Variants in ICA1L observed in about 807,000 individuals in gnomAD.
The protein encoded by ICA1L is islet cell autoantigen 1-like protein.
Under a neutral mutation model 61.3 loss-of-function variants are expected in ICA1L, and 50 were observed. The ratio of observed to expected loss-of-function variants is 0.82; its 90% CI spans 0.65 to 1.03. The LOEUF (loss-of-function observed/expected upper bound fraction) is 1.03. ICA1L is among the 50% of genes least tolerant of loss of function. The pLI, the probability that ICA1L is intolerant of heterozygous loss-of-function variation, is 0.00. For missense variants in ICA1L, 508 were observed against 556.7 expected, an observed-to-expected ratio of 0.91 and a Z score of 0.88; for synonymous variants, 161 against 191.3, an observed-to-expected ratio of 0.84 and a Z score of 1.31.
At position 202,821,489 on chromosome 2, in the gene ICA1L, A is replaced by G; in HGVS notation, c.236-8T>C. 4 of 1,594,780 alleles carry G rather than the reference A, an allele frequency of 2.5e-6. No homozygotes were observed. Among genetic ancestry groups the G allele is most frequent in the Non-Finnish European group, 3.4e-6 (4 of 1,170,314 alleles). The stretch of plus-strand genomic sequence containing the variant: ...TTTCTTCCTCTGATATAACTAGGAA[A>G]AAAATTACAGTGTAGTTAATTGTTT... On this transcript the variant is annotated splice_polypyrimidine_tract_variant and splice_region_variant and intron_variant, in intron 3 of 12. Transcript: ENST00000358299.
chr2:202,790,736 T>G (rs769534655), intron 10 of ICA1L, among the ~76,000 whole-genome samples: 2 of 152,122 alleles, frequency 1.3e-5, no homozygotes, highest in Non-Finnish European at 2.9e-5. Context: ...GGGCCCCTGA[T>G]CACTTGACCC....
intron 9 of ICA1L, among the ~76,000 whole-genome samples, chr2:202,807,279 A>G (rs1693252994): frequency 1.3e-5 from 2 of 152,244 alleles, no homozygotes; most frequent in African/African-American, 4.8e-5. Context: ...CAGTGGCCAC[A>G]TGGTGTGGAG....
chr2:202,796,038 TAA>T (rs946498142), intron 10 of ICA1L, among the ~76,000 whole-genome samples: 4 of 136,236 alleles, frequency 2.9e-5, no homozygotes, highest in Non-Finnish European at 3.2e-5. Context: ...GCGAGACTGT[TAA>T]AAAAAAAAAA....
chr2:202,841,580 G>C, intron 1 of ICA1L: 1 of 694,412 alleles, frequency 1.4e-6, no homozygotes, highest in South Asian at 1.4e-5. Context: ...TGTGACAGCA[G>C]TGATGCTTCC....
At chr2:202,858,257 A>G (rs1694817491) in intron 1 of ICA1L, among the ~76,000 whole-genome samples, 2 of 152,236 alleles carry the variant, frequency 1.3e-5, no homozygotes, top group Admixed American at 1.3e-4. Context: ...AAAGAAAATG[A>G]GGCACATATG....
At chr2:202,795,226 G>A (rs1348509094) in intron 10 of ICA1L, among the ~76,000 whole-genome samples, 1 of 151,934 alleles carries the variant, frequency 6.6e-6, no homozygotes, top group African/African-American at 2.4e-5. Context: ...CCCGACCTCA[G>A]GTGATCTGCC....
intron 1 of ICA1L, among the ~76,000 whole-genome samples, chr2:202,865,086 C>T (rs1413508765): frequency 3.3e-5 from 5 of 151,568 alleles, no homozygotes; most frequent in Non-Finnish European, 7.4e-5. Flanking sequence ...TTGCTTGAAT[C>T]CGGGAGGTGG....
rs181266426 is a variant in ICA1L at position 202,795,212 on chromosome 2, A to T, written c.985+1678T>A. ...CACCATGTTAGCCAGGCTGATCTCG[A>T]ACTCCCGACCTCAGGTGATCTGCCC... is the stretch of plus-strand genomic sequence containing the variant. On this transcript the variant is annotated intron_variant, in intron 10 of 12. Transcript: ENST00000358299. 9.2e-5 allele frequency among the ~76,000 whole-genome samples: 14 copies of T among 151,922 alleles called. No homozygotes were observed. In the East Asian group the frequency reaches 2.7e-3, roughly 30 times the overall value.
At chr2:202,811,430 G>A (rs1056203185) in intron 9 of ICA1L, among the ~76,000 whole-genome samples, 10 of 151,858 alleles carry the variant, frequency 6.6e-5, no homozygotes, top group Admixed American at 2.0e-4. Flanking sequence ...CGAGGTGGGC[G>A]GATCGGATCA....
Position 202,790,340 on chromosome 2 carries a change from C to A in ICA1L, c.986-1253G>T, listed in dbSNP as rs1219097749. Reference sequence around the variant, plus strand: ...TTCAAAATAAATAAGCATTTAAAATCTCTGGAAATGGTCCCAAGGATATGC... The same window carrying A: ...TTCAAAATAAATAAGCATTTAAAATATCTGGAAATGGTCCCAAGGATATGC... On this transcript the variant is annotated intron_variant, in intron 10 of 12. Coordinates refer to ENST00000358299, the MANE Select transcript of ICA1L (RefSeq NM_001288622.3). 2.6e-5 allele frequency among the ~76,000 whole-genome samples: 4 copies of A among 152,298 alleles called. No individual in the cohort carries two copies. The East Asian group carries it at 7.7e-4, about 29-fold the overall frequency.
intron 3 of ICA1L, 43 bp from the exon 4 acceptor site, chr2:202,821,524 A>T: frequency 6.8e-7 from 1 of 1,475,526 alleles, no homozygotes; most frequent in Non-Finnish European, 9.3e-7. Flanking sequence ...TCCTTTCATC[A>T]TTTGTTTAAA....
intron 9 of ICA1L, among the ~76,000 whole-genome samples, chr2:202,799,174 T>A (rs919491822): frequency 5.3e-5 from 8 of 152,228 alleles, no homozygotes; most frequent in Non-Finnish European, 1.2e-4. Flanking sequence ...ATTATATTTT[T>A]AATTTTATGA....
intron 8 of ICA1L, among the ~76,000 whole-genome samples, chr2:202,812,618 C>T (rs188926082): frequency 6.6e-6 from 1 of 152,092 alleles, no homozygotes; most frequent in Admixed American, 6.6e-5. Flanking sequence ...ATAGTCACTA[C>T]ACCTGGGGCA....
chr2:202,798,184 A>G (rs1692986684), intron 9 of ICA1L, among the ~76,000 whole-genome samples: 1 of 152,170 alleles, frequency 6.6e-6, no homozygotes, highest in Non-Finnish European at 1.5e-5. Flanking sequence ...TCTGTTGATG[A>G]ACACTTACAA....
rs570448197 is a variant in ICA1L at position 202,779,124 on chromosome 2, G to GCTAT, written c.*405_*408dup. 727 of 155,492 alleles carry GCTAT rather than the reference G, an allele frequency of 4.7e-3. 7 individuals carry two copies. Among genetic ancestry groups the GCTAT allele is most frequent in the African/African-American group, 0.016 (653 of 41,478 alleles). 9.6% of individuals were successfully genotyped at this position (155,492 alleles called of 1,614,324 possible). ...CCCCAAACCACAACCCAATTTACAT[G>GCTAT]CTATCTATCTATCTTTGTTATCCAC... is the stretch of plus-strand genomic sequence containing the variant. On this transcript the variant is annotated 3_prime_UTR_variant, in exon 13 of 13. Transcript: ENST00000358299.
At chr2:202,796,858 A>G (rs775426698) in intron 10 of ICA1L, 32 bp downstream of exon 10, 9 of 1,269,816 alleles carry the variant, frequency 7.1e-6, no homozygotes, top group Non-Finnish European at 8.8e-6. Context: ...ATTTTAAAGA[A>G]TCATTCATAT....
At chr2:202,787,937 G>A (rs960789046) in intron 11 of ICA1L, among the ~76,000 whole-genome samples, 1 of 152,184 alleles carries the variant, frequency 6.6e-6, no homozygotes, top group African/African-American at 2.4e-5. Flanking sequence ...CTAATACTCA[G>A]GCCCACGTCC....
At chr2:202,813,027 A>C (rs763682348) in intron 8 of ICA1L, among the ~76,000 whole-genome samples, 2 of 152,032 alleles carry the variant, frequency 1.3e-5, no homozygotes, top group Admixed American at 1.3e-4. Context: ...GGGAGGCTGA[A>C]GTGGGCAGAT....
chr2:202,863,407 A>C (rs1694974287), intron 1 of ICA1L, among the ~76,000 whole-genome samples: 1 of 152,318 alleles, frequency 6.6e-6, no homozygotes, highest in East Asian at 1.9e-4. Context: ...AAAGTCAGTA[A>C]ATAGAGAATG....
Sources: gnomAD v4.1 joint callset for allele counts (sites outside exome capture counted in the v4.1 genomes callset) on GRCh38, gnomAD v4.1.1 for gene constraint, MANE v1.5 for transcripts, NCBI Gene and HGNC (gene_info 2026-07-23, HGNC 2026-07-21) for gene names.